Variants in GRM8 observed in about 807,000 individuals in gnomAD.
GRM8 encodes metabotropic glutamate receptor 8.
Under a neutral mutation model 87.2 loss-of-function variants are expected in GRM8, and 47 were observed. The observed-to-expected ratio is 0.54, with a 90% CI of 0.43 to 0.69. The LOEUF (loss-of-function observed/expected upper bound fraction) is 0.69, where lower values mean the gene tolerates loss of function less well. Among genes scored for constraint, GRM8 ranks in the 30% least tolerant of loss-of-function variants. The pLI, the probability that GRM8 is intolerant of heterozygous loss-of-function variation, is 0.00. For synonymous variants in GRM8, 396 were observed against 404.5 expected, an observed-to-expected ratio of 0.98 and a Z score of 0.25; for missense variants, 1,019 against 1,139.2, an observed-to-expected ratio of 0.89 and a Z score of 1.52.
chr7:127,014,618 A>T (rs1815217619), intron 3 of GRM8, among the ~76,000 whole-genome samples: 1 of 152,138 alleles, frequency 6.6e-6, no homozygotes, highest in South Asian at 2.1e-4. Flanking sequence ...TACCTAGGAC[A>T]ATGCCTAGCA....
At chr7:126,465,361 A>C (rs1804372583) in intron 9 of GRM8, 1 of 151,450 alleles carries the variant, frequency 6.6e-6, no homozygotes, top group African/African-American at 2.4e-5. Flanking sequence ...ACACACACAC[A>C]CACACACACA....
chr7:126,532,818 C>CATATATAT (rs1815067585), intron 9 of GRM8, 134 bp downstream of exon 9: 3 of 240,946 alleles, frequency 1.2e-5, no homozygotes, highest in African/African-American at 6.1e-5. Context: ...TATATATATG[C>CATATATAT]ATGCTAAGTA....
intron 8 of GRM8, among the ~76,000 whole-genome samples, chr7:126,590,823 G>A (rs114063362): frequency 0.011 from 1,716 of 152,238 alleles, 41 homozygotes; most frequent in African/African-American, 0.039. Context: ...AACAAATGCT[G>A]AGAGAATATA....
chr7:126,710,522 A>C (rs932745021), intron 7 of GRM8, among the ~76,000 whole-genome samples: 1 of 152,200 alleles, frequency 6.6e-6, no homozygotes, highest in Non-Finnish European at 1.5e-5. Context: ...TATCTCAAGA[A>C]ACCACTTTCT....
At chr7:126,754,817 G>C (rs1411689926) in intron 7 of GRM8, among the ~76,000 whole-genome samples, 2 of 151,732 alleles carry the variant, frequency 1.3e-5, no homozygotes, top group African/African-American at 2.4e-5. Flanking sequence ...TGCAAAATAT[G>C]CTATTTTATT....
chr7:126,950,073 C>G (rs1807969220), intron 3 of GRM8, among the ~76,000 whole-genome samples: 1 of 152,168 alleles, frequency 6.6e-6, no homozygotes. Flanking sequence ...TGAATTAACT[C>G]TATCGTTTCT....
chr7:126,877,603 T>C lies in GRM8; in HGVS notation c.1156+24939A>G, dbSNP rs1311481197. Reference sequence around the variant, plus strand: ...ACTTTAGCTCATTCTATTCTCTGTCTACCTGAAATGCGGTCCACCAACCAT... The same window carrying C: ...ACTTTAGCTCATTCTATTCTCTGTCCACCTGAAATGCGGTCCACCAACCAT... On this transcript the variant is annotated intron_variant, in intron 6 of 10. Transcript: ENST00000339582. 3.9e-5 allele frequency among the ~76,000 whole-genome samples: 6 copies of C among 152,306 alleles called. No homozygotes were observed. In the Middle Eastern group the frequency reaches 0.017, roughly 432 times the overall value.
chr7:126,615,377 C>G (rs1281496310), intron 7 of GRM8, among the ~76,000 whole-genome samples: 15 of 152,216 alleles, frequency 9.9e-5, no homozygotes, highest in African/African-American at 3.4e-4. Flanking sequence ...GAAGGAAGCA[C>G]TAAACATGGA....
chr7:126,736,681 G>A (rs1348471242), intron 7 of GRM8, among the ~76,000 whole-genome samples: 1 of 152,014 alleles, frequency 6.6e-6, no homozygotes, highest in Non-Finnish European at 1.5e-5. Flanking sequence ...AGTGCAGTCA[G>A]TACTACTGTA....
intron 2 of GRM8, among the ~76,000 whole-genome samples, chr7:127,190,656 A>G (rs1321255353): frequency 6.6e-6 from 1 of 152,190 alleles, no homozygotes; most frequent in African/African-American, 2.4e-5. Flanking sequence ...AGTCTACCCC[A>G]GGTATATTTA....
intron 6 of GRM8, among the ~76,000 whole-genome samples, chr7:126,811,175 C>T (rs1180239513): frequency 6.6e-6 from 1 of 152,032 alleles, no homozygotes; most frequent in East Asian, 1.9e-4. Flanking sequence ...GATTGATTGG[C>T]TGTAAGTATG....
intron 6 of GRM8, among the ~76,000 whole-genome samples, chr7:126,901,772 C>A (rs2131196852): frequency 6.6e-6 from 1 of 152,190 alleles, no homozygotes; most frequent in South Asian, 2.1e-4. Context: ...TTAAAATTGA[C>A]CCTTATATAT....
intron 8 of GRM8, among the ~76,000 whole-genome samples, chr7:126,564,363 G>C (rs1794011964): frequency 6.6e-6 from 1 of 152,150 alleles, no homozygotes; most frequent in African/African-American, 2.4e-5. Context: ...CCAGCATATG[G>C]AACCAGACTG....
At chr7:126,493,496 C>T (rs757079786) in intron 9 of GRM8, among the ~76,000 whole-genome samples, 4 of 151,988 alleles carry the variant, frequency 2.6e-5, no homozygotes, top group South Asian at 2.1e-4. Flanking sequence ...TCATCTTTCC[C>T]GGAAGAACAG....
chr7:127,044,940 A>AT (rs572366060), intron 3 of GRM8, among the ~76,000 whole-genome samples: 82 of 152,250 alleles, frequency 5.4e-4, no homozygotes, highest in African/African-American at 1.9e-3. Context: ...TTTGCTTCAG[A>AT]TTTTTTTATT....
intron 3 of GRM8, among the ~76,000 whole-genome samples, chr7:127,039,453 C>T (rs890894749): frequency 2.6e-5 from 4 of 151,930 alleles, no homozygotes; most frequent in Admixed American, 6.6e-5. Flanking sequence ...TTTGGGAAAA[C>T]GAATTTCTGT....
intron 7 of GRM8, among the ~76,000 whole-genome samples, chr7:126,754,517 T>C (rs2151553166): frequency 6.6e-6 from 1 of 152,042 alleles, no homozygotes; most frequent in South Asian, 2.1e-4. Context: ...ATTTGGTTTA[T>C]CCCAGTCACT....
chr7:126,674,717 A>G (rs2151315348), intron 7 of GRM8, among the ~76,000 whole-genome samples: 1 of 152,352 alleles, frequency 6.6e-6, no homozygotes, highest in Admixed American at 6.5e-5. Context: ...AACCATGGCA[A>G]CAAGGCAGGC....
chr7:126,733,622 T>TGTAGTTA (rs1263134942), intron 7 of GRM8, among the ~76,000 whole-genome samples: 5 of 151,704 alleles, frequency 3.3e-5, no homozygotes, highest in African/African-American at 1.2e-4. Context: ...CAAAAAACAG[T>TGTAGTTA]GTAGTTAGAC....
Sources: gnomAD v4.1 joint callset for allele counts (sites outside exome capture counted in the v4.1 genomes callset) on GRCh38, gnomAD v4.1.1 for gene constraint, MANE v1.5 for transcripts, NCBI Gene and HGNC (gene_info 2026-07-23, HGNC 2026-07-21) for gene names.